Variants in TMEM235 observed in about 807,000 individuals in gnomAD.
TMEM235 encodes claudin-27.
In TMEM235, 23 loss-of-function variants were observed where a neutral mutation model predicts 22.9. The observed-to-expected ratio is 1.00, with a 90% CI of 0.72 to 1.42. The LOEUF (loss-of-function observed/expected upper bound fraction) is 1.42. TMEM235 is among the 40% of genes most tolerant of loss of function. The pLI is 0.00. For synonymous variants in TMEM235, 137 were observed against 140.5 expected (o/e 0.98, Z 0.17); for missense variants, 308 against 299.5 (o/e 1.03, Z -0.21).
chr17:78,236,833 G>A (rs2076649633), intron 4 of TMEM235, among the ~76,000 whole-genome samples: 2 of 152,346 alleles, frequency 1.3e-5, no homozygotes, highest in Admixed American at 6.5e-5. Context: ...GGGGAAACCA[G>A]CAGCCTTGGT....
rs1224705951 is a variant in TMEM235 at position 78,239,758 on chromosome 17, C to T, written c.660-22C>T. 5 of 1,530,896 alleles carry T rather than the reference C, an allele frequency of 3.3e-6. No homozygotes were observed. In the Admixed American group the frequency reaches 7.9e-5, roughly 24 times the overall value. 94.8% of individuals were successfully genotyped at this position (1,530,896 alleles called of 1,614,324 possible). A position where few individuals can be genotyped will look rare whatever the true frequency, so the allele number is the denominator to read the frequency against. On this transcript the variant is annotated intron_variant, in intron 5 of 5. Coordinates refer to ENST00000421688, the Ensembl canonical transcript of TMEM235. Reference sequence around the variant, plus strand: ...GCCCCGCAATGGCCCTACTCAATGACTACCCTTTATCCATTTTACAGAGGG... The same window carrying T: ...GCCCCGCAATGGCCCTACTCAATGATTACCCTTTATCCATTTTACAGAGGG...
exon 2 of TMEM235, chr17:78,231,969 C>G: frequency 9.4e-7 from 1 of 1,067,064 alleles, no homozygotes; most frequent in South Asian, 4.4e-5. Flanking sequence ...GCGCGCCCCC[C>G]GCCGCCCCCG....
intron 4 of TMEM235, among the ~76,000 whole-genome samples, chr17:78,236,698 G>T (rs535836682): frequency 1.3e-5 from 2 of 152,362 alleles, no homozygotes; most frequent in African/African-American, 4.8e-5. Flanking sequence ...AGGCCCTGAT[G>T]TCTCAGGCCA....
chr17:78,231,992 C>T, exon 2 of TMEM235: 1 of 1,199,102 alleles, frequency 8.3e-7, no homozygotes, highest in Non-Finnish European at 1.0e-6. Context: ...GCCCTGCTAC[C>T]CCCGACCCGT....
At chr17:78,233,003 A>G (rs888418013) in intron 2 of TMEM235, among the ~76,000 whole-genome samples, 1 of 152,200 alleles carries the variant, frequency 6.6e-6, no homozygotes, top group African/African-American at 2.4e-5. Flanking sequence ...GTGGGCATGT[A>G]TATGAGTGAG....
rs9674499 is a variant in TMEM235 at position 78,237,344 on chromosome 17, G to A, written c.410-1680G>A. On this transcript the variant is annotated intron_variant, in intron 4 of 5. Coordinates refer to ENST00000421688, the Ensembl canonical transcript of TMEM235. This position sits in a 1 kb window ranked among gnomAD's most constrained non-coding sequence, Gnocchi z 4.7. ...GAGACAGGATCTTGGGGGGCCTGGG[G>A]GACCGACAGGGCCCACGGTGACAGA... is the stretch of plus-strand genomic sequence containing the variant. 0.1 allele frequency among the ~76,000 whole-genome samples: 15,666 copies of A among 152,180 alleles called. 971 individuals carry two copies. The highest frequency in any genetic ancestry group is 0.2 in the Middle Eastern group (60 of 294).
chr17:78,231,293 AC>A (rs2076576070), upstream of TMEM235: 2 of 839,668 alleles, frequency 2.4e-6, no homozygotes, highest in South Asian at 1.7e-5. Flanking sequence ...TCCCACCCCC[AC>A]TGGCACCCCA....
intron 3 of TMEM235, chr17:78,234,301 C>G (rs1407132309): frequency 1.4e-6 from 1 of 691,080 alleles, no homozygotes; most frequent in South Asian, 1.5e-5. Flanking sequence ...GGACTCGATT[C>G]TTCCAGATGG....
exon 6 of TMEM235, chr17:78,240,230 T>C: frequency 2.3e-6 from 1 of 433,902 alleles, no homozygotes; most frequent in Non-Finnish European, 3.8e-6. Context: ...CATGCCATGG[T>C]GGAGGAGTTT....
exon 2 of TMEM235, chr17:78,231,840 G>T: frequency 6.7e-6 from 8 of 1,188,700 alleles, no homozygotes; most frequent in Non-Finnish European, 8.6e-6. Context: ...AGGTGGGGTC[G>T]ATCTCCCTGC....
chr17:78,232,152 C>G (rs1349075184), exon 2 of TMEM235: 2 of 1,488,052 alleles, frequency 1.3e-6, no homozygotes, highest in Admixed American at 4.5e-5. Context: ...GCAATGGCAG[C>G]GCCTGGCCCG....
chr17:78,238,927 C>T lies in TMEM235; in HGVS notation c.410-97C>T, dbSNP rs943807843. On this transcript the variant is annotated intron_variant, in intron 4 of 5. Transcript: ENST00000421688. The surrounding 1 kb of genome is among the most constrained non-coding windows in gnomAD (Gnocchi z 4.3). ...GCCTGCAGCTCTGCCTGAATGCTAG[C>T]GGGGCCGGGGATGCTGAGGCCATGT... 19 of 1,454,844 alleles carry T rather than the reference C, an allele frequency of 1.3e-5. No homozygotes were observed. Among genetic ancestry groups the T allele is most frequent in the South Asian group, 2.8e-5 (2 of 72,456 alleles). 90.1% of individuals were successfully genotyped at this position (1,454,844 alleles called of 1,614,324 possible). A position where few individuals can be genotyped will look rare whatever the true frequency, so the allele number is the denominator to read the frequency against.
At chr17:78,234,756 G>A (rs1272503402) in intron 4 of TMEM235, 26 bp downstream of exon 3, 3 of 1,535,720 alleles carry the variant, frequency 2.0e-6, no homozygotes, top group East Asian at 4.9e-5. Context: ...TGGGGGAATG[G>A]CTCCAAAGAT....
At chr17:78,239,359 C>A in intron 5 of TMEM235, 86 bp downstream of exon 4, 1 of 1,421,382 alleles carries the variant, frequency 7.0e-7, no homozygotes, top group Non-Finnish European at 9.3e-7. Context: ...AATCCCTTCT[C>A]TGGGCCTCGC....
exon 6 of TMEM235, chr17:78,240,062 C>T (rs2076692459): frequency 1.4e-6 from 2 of 1,456,730 alleles, no homozygotes; most frequent in Non-Finnish European, 1.8e-6. Flanking sequence ...GAGCAGGCAC[C>T]CAGATCTCTG....
chr17:78,237,036 C>T lies in TMEM235; in HGVS notation c.410-1988C>T, dbSNP rs931504902. Among the ~76,000 whole-genome samples the T allele has an allele frequency of 2.0e-5, 3 of 152,196 alleles. No homozygotes were observed. Among genetic ancestry groups the T allele is most frequent in the Non-Finnish European group, 2.9e-5 (2 of 68,034 alleles). ...GTAACCAGAAGAACTTACAGGGACA[C>T]GGACCCTCTGCATTGTGCCTGGGAG... On this transcript the variant is annotated intron_variant, in intron 4 of 5. Transcript: ENST00000421688. This position sits in a 1 kb window ranked among gnomAD's most constrained non-coding sequence, Gnocchi z 4.7.
intron 4 of TMEM235, among the ~76,000 whole-genome samples, chr17:78,235,921 A>G (rs1024230449): frequency 3.3e-5 from 5 of 152,122 alleles, no homozygotes; most frequent in Non-Finnish European, 5.9e-5. Context: ...CATACTTTTA[A>G]ACAACCAGAT....
In TMEM235 at chr17:78,239,010, C is replaced by T. The variant is rs1478537426; in HGVS notation, c.410-14C>T. 2.0e-6 allele frequency: 3 copies of T among 1,531,866 alleles called. No homozygotes were observed. Among genetic ancestry groups the T allele is most frequent in the African/African-American group, 2.7e-5 (2 of 72,892 alleles). The allele number at this position is 1,531,866 out of a possible 1,614,324, so 94.9% of individuals were successfully genotyped here. A position where few individuals can be genotyped will look rare whatever the true frequency, so the allele number is the denominator to read the frequency against. On this transcript the variant is annotated splice_polypyrimidine_tract_variant and intron_variant, in intron 4 of 5. Coordinates refer to ENST00000421688, the Ensembl canonical transcript of TMEM235. Reference sequence around the variant, plus strand: ...GCAGACACCGAGCAGCTGCCCTCCCCATCTCTCCCCCAGGTGTCCTGACAC... The same window carrying T: ...GCAGACACCGAGCAGCTGCCCTCCCTATCTCTCCCCCAGGTGTCCTGACAC...
rs1376884259 is a variant in TMEM235 at position 78,238,592 on chromosome 17, GTGCA to G, written c.410-431_410-428del. Among the ~76,000 whole-genome samples the G allele has an allele frequency of 8.1e-5, 12 of 148,192 alleles. No homozygotes were observed. Among genetic ancestry groups the G allele is most frequent in the Non-Finnish European group, 1.7e-4 (11 of 66,552 alleles). On this transcript the variant is annotated intron_variant, in intron 4 of 5. Coordinates refer to ENST00000421688, the Ensembl canonical transcript of TMEM235. This position sits in a 1 kb window ranked among gnomAD's most constrained non-coding sequence, Gnocchi z 4.3. Reference sequence around the variant, plus strand: ...TGTGTGTGTGTGTGTGTGTGAATGTGTGCAAATGTGTTCGTGTAGGTGTGCATGT... The same window carrying G: ...TGTGTGTGTGTGTGTGTGTGAATGTGAATGTGTTCGTGTAGGTGTGCATGT...
Sources: allele counts gnomAD v4.1 joint callset (sites outside exome capture counted in the v4.1 genomes callset), GRCh38; gene constraint gnomAD v4.1.1; non-coding constraint Gnocchi (gnomAD v3.1); transcripts MANE v1.5; gene names NCBI Gene and HGNC (gene_info 2026-07-23, HGNC 2026-07-21).